Variants in NBAS observed in about 807,000 individuals in gnomAD.
NBAS encodes the protein NBAS subunit of NRZ tethering complex, also known as NAG/BC035112 fusion.
Under a neutral mutation model 302.5 loss-of-function variants are expected in NBAS, and 219 were observed. The ratio of observed to expected loss-of-function variants is 0.72; its 90% CI spans 0.65 to 0.81. The LOEUF (loss-of-function observed/expected upper bound fraction) is 0.81. Among genes scored for constraint, NBAS ranks in the 30% least tolerant of loss-of-function variants. NBAS has a pLI of 0.00. For missense variants in NBAS, 2,932 were observed against 2,841.6 expected (o/e 1.03, Z -0.72); for synonymous variants, 1,118 against 1,021.6 (o/e 1.09, Z -1.80).
chr2:15,455,875 G>C (rs1209805257), intron 21 of NBAS, among the ~76,000 whole-genome samples: 1 of 151,760 alleles, frequency 6.6e-6, no homozygotes, highest in Middle Eastern at 3.2e-3. Context: ...AATAGAAAAA[G>C]AGCAAAAATG....
chr2:14,905,098 G>C, the NBAS span, among the ~76,000 whole-genome samples: 5 of 152,152 alleles, frequency 3.3e-5, no homozygotes, highest in African/African-American at 1.2e-4. Context: ...TGTTCCAGGC[G>C]CACTGGCAGC....
the NBAS span, among the ~76,000 whole-genome samples, chr2:14,918,679 G>A: frequency 6.6e-6 from 1 of 152,214 alleles, no homozygotes; most frequent in Non-Finnish European, 1.5e-5. Flanking sequence ...AGGGTAGTAG[G>A]AAGCCCCTGA....
chr2:15,416,161 G>C (rs1337561799), intron 24 of NBAS, among the ~76,000 whole-genome samples: 1 of 152,014 alleles, frequency 6.6e-6, no homozygotes, highest in East Asian at 1.9e-4. Flanking sequence ...CCAACAAAGA[G>C]TGAATAAAAA....
the NBAS span, among the ~76,000 whole-genome samples, chr2:14,962,444 C>T: frequency 6.6e-6 from 1 of 152,112 alleles, no homozygotes. Flanking sequence ...GATAGGAGAG[C>T]TCCAAAAGCT....
the NBAS span, among the ~76,000 whole-genome samples, chr2:14,844,938 C>T: frequency 6.6e-6 from 1 of 152,300 alleles, no homozygotes; most frequent in African/African-American, 2.4e-5. Flanking sequence ...TCCCAGCCCC[C>T]AAATGGTAAC....
chr2:14,782,440 T>C, the NBAS span, among the ~76,000 whole-genome samples: 1 of 152,182 alleles, frequency 6.6e-6, no homozygotes, highest in Non-Finnish European at 1.5e-5. Flanking sequence ...GTGGCTATTA[T>C]GATAAAGTCA....
At chr2:15,392,576 C>T (rs929923330) in intron 28 of NBAS, among the ~76,000 whole-genome samples, 1 of 151,670 alleles carries the variant, frequency 6.6e-6, no homozygotes, top group Non-Finnish European at 1.5e-5. Context: ...AAAATAAATG[C>T]AAGAATAGTA....
At chr2:15,083,690 A>T in the NBAS span, among the ~76,000 whole-genome samples, 1 of 152,210 alleles carries the variant, frequency 6.6e-6, no homozygotes, top group African/African-American at 2.4e-5. Context: ...AGTTGTTCCA[A>T]ATTGGTATGG....
the NBAS span, among the ~76,000 whole-genome samples, chr2:14,965,281 C>T: frequency 6.6e-6 from 1 of 151,732 alleles, no homozygotes; most frequent in Non-Finnish European, 1.5e-5. Context: ...AAAATTGAGA[C>T]CCCCCCTACC....
the NBAS span, among the ~76,000 whole-genome samples, chr2:14,813,669 A>T: frequency 1.3e-5 from 2 of 152,328 alleles, no homozygotes; most frequent in East Asian, 3.9e-4. Flanking sequence ...GTTACATATA[A>T]CTTTACTTAT....
the NBAS span, among the ~76,000 whole-genome samples, chr2:14,801,438 T>C: frequency 6.6e-6 from 1 of 152,196 alleles, no homozygotes; most frequent in African/African-American, 2.4e-5. Context: ...TAATTTACTA[T>C]TAATCCCATT....
the NBAS span, among the ~76,000 whole-genome samples, chr2:14,841,596 T>C: frequency 6.6e-6 from 1 of 151,570 alleles, no homozygotes; most frequent in African/African-American, 2.4e-5. Flanking sequence ...AAGGTCATTA[T>C]ATGATGATAA....
At chr2:15,174,361 T>C (rs1030888362) in intron 51 of NBAS, among the ~76,000 whole-genome samples, 2 of 152,200 alleles carry the variant, frequency 1.3e-5, no homozygotes, top group African/African-American at 4.8e-5. Context: ...TTATCAAATA[T>C]GTGAAGGACT....
At chr2:14,981,073 A>G in the NBAS span, among the ~76,000 whole-genome samples, 1 of 151,558 alleles carries the variant, frequency 6.6e-6, no homozygotes, top group Non-Finnish European at 1.5e-5. Context: ...GGAAAAAAAA[A>G]CAGAAGAAAA....
At chr2:15,512,336 C>T (rs1311780504) in intron 9 of NBAS, among the ~76,000 whole-genome samples, 2 of 152,108 alleles carry the variant, frequency 1.3e-5, no homozygotes, top group African/African-American at 2.4e-5. Flanking sequence ...GAGGTGTATG[C>T]CCACTGGTAG....
chr2:15,306,616 A>G (rs555226864), intron 40 of NBAS, among the ~76,000 whole-genome samples: 1 of 152,302 alleles, frequency 6.6e-6, no homozygotes, highest in East Asian at 1.9e-4. Context: ...CCTTACATAA[A>G]ATATAAGACC....
chr2:14,813,176 G>C, the NBAS span, among the ~76,000 whole-genome samples: 2 of 152,112 alleles, frequency 1.3e-5, no homozygotes, highest in Admixed American at 6.5e-5. Context: ...GACTAATACA[G>C]AAAATTGCTA....
At chr2:15,516,921 A>C (rs1370017080) in intron 9 of NBAS, among the ~76,000 whole-genome samples, 2 of 152,140 alleles carry the variant, frequency 1.3e-5, no homozygotes, top group African/African-American at 4.8e-5. Context: ...ATTTACACCA[A>C]TCACCCTCTA....
At chr2:15,335,479 C>T (rs1210338027) in intron 35 of NBAS, among the ~76,000 whole-genome samples, 1 of 152,190 alleles carries the variant, frequency 6.6e-6, no homozygotes, top group Admixed American at 6.5e-5. Flanking sequence ...TGCTCCACAT[C>T]CACGCCAACA....
Sources: allele counts gnomAD v4.1 joint callset (sites outside exome capture counted in the v4.1 genomes callset), GRCh38; gene constraint gnomAD v4.1.1; transcripts MANE v1.5; gene names NCBI Gene and HGNC (gene_info 2026-07-23, HGNC 2026-07-21).